Variants in UNC13C observed in about 807,000 individuals in gnomAD.
UNC13C encodes the protein protein unc-13 homolog C.
UNC13C carries 174 observed loss-of-function variants against 245.4 expected under a neutral mutation model. The ratio of observed to expected loss-of-function variants is 0.71; its 90% CI spans 0.63 to 0.80. The LOEUF is 0.80. UNC13C is among the 30% of genes least tolerant of loss of function. The probability of loss-of-function intolerance (pLI) is 0.00; values close to 1 mark genes in which losing one functional copy is unlikely to be tolerated. For synonymous variants in UNC13C, 992 were observed against 895.1 expected, an observed-to-expected ratio of 1.11 and a Z score of -1.93; for missense variants, 2,829 against 2,602.9, an observed-to-expected ratio of 1.09 and a Z score of -1.89.
chr15:54,590,395 A>T (rs1157372176), intron 30 of UNC13C, among the ~76,000 whole-genome samples: 1 of 152,222 alleles, frequency 6.6e-6, no homozygotes, highest in Non-Finnish European at 1.5e-5. Context: ...TCATTTTCAC[A>T]AAATTGATTC....
intron 10 of UNC13C, among the ~76,000 whole-genome samples, chr15:54,275,225 C>T (rs574140087): frequency 1.3e-5 from 2 of 152,090 alleles, no homozygotes; most frequent in Admixed American, 1.3e-4. Flanking sequence ...TTATACTACT[C>T]GTAGGTAGGC....
At chr15:54,402,987 C>G (rs1426366350) in intron 18 of UNC13C, among the ~76,000 whole-genome samples, 1 of 152,170 alleles carries the variant, frequency 6.6e-6, no homozygotes, top group East Asian at 1.9e-4. Flanking sequence ...AGCACCTGGC[C>G]TAATGCCTGC....
chr15:54,084,926 A>G (rs1406284960), intron 2 of UNC13C, among the ~76,000 whole-genome samples: 3 of 152,218 alleles, frequency 2.0e-5, no homozygotes, highest in Admixed American at 6.5e-5. Context: ...GGTGTGTTTC[A>G]ATAATAGTGT....
At chr15:54,115,732 C>T (rs2030194430) in intron 2 of UNC13C, among the ~76,000 whole-genome samples, 1 of 152,050 alleles carries the variant, frequency 6.6e-6, no homozygotes, top group Non-Finnish European at 1.5e-5. Context: ...TCAAAGAATT[C>T]ATTTTCAGAA....
At chr15:53,984,856 G>A (rs1221627899) in intron 1 of UNC13C, among the ~76,000 whole-genome samples, 1 of 152,034 alleles carries the variant, frequency 6.6e-6, no homozygotes, top group South Asian at 2.1e-4. Context: ...GGCAAATTGG[G>A]ATTGTTTTGG....
intron 4 of UNC13C, among the ~76,000 whole-genome samples, chr15:54,160,324 G>A (rs571419192): frequency 3.3e-5 from 5 of 150,726 alleles, no homozygotes; most frequent in African/African-American, 1.2e-4. Flanking sequence ...AAATGACAAA[G>A]AGAGCATAGA....
chr15:53,966,620 C>T, the UNC13C span, among the ~76,000 whole-genome samples: 1 of 151,960 alleles, frequency 6.6e-6, no homozygotes, highest in South Asian at 2.1e-4. Context: ...ATTCTGAAGA[C>T]AGTTTATTTT....
chr15:54,257,094 T>C (rs185001378), intron 8 of UNC13C, among the ~76,000 whole-genome samples: 15 of 152,338 alleles, frequency 9.8e-5, no homozygotes, highest in African/African-American at 3.4e-4. Flanking sequence ...AAAATAGAAA[T>C]AAATCTTGTT....
chr15:54,625,926 T>A (rs771629141), intron 32 of UNC13C, among the ~76,000 whole-genome samples: 1 of 152,154 alleles, frequency 6.6e-6, no homozygotes, highest in East Asian at 1.9e-4. Flanking sequence ...TCTACTCTTA[T>A]CCCCTAGACT....
At chr15:54,514,253 C>A (rs528910038) in intron 24 of UNC13C, among the ~76,000 whole-genome samples, 2 of 152,070 alleles carry the variant, frequency 1.3e-5, no homozygotes, top group Admixed American at 6.6e-5. Flanking sequence ...CAGAATTCAC[C>A]CTTTGATATG....
chr15:53,973,514 C>T (rs1893602941), upstream of UNC13C, among the ~76,000 whole-genome samples: 1 of 151,760 alleles, frequency 6.6e-6, no homozygotes, highest in Non-Finnish European at 1.5e-5. Flanking sequence ...AAACCAGGCA[C>T]CCTGATTTCA....
At chr15:54,249,129 TTCTC>T (rs1239783421) in intron 7 of UNC13C, among the ~76,000 whole-genome samples, 2 of 152,182 alleles carry the variant, frequency 1.3e-5, no homozygotes, top group Non-Finnish European at 2.9e-5. Flanking sequence ...GTGCTGGTCT[TTCTC>T]TCAGGAAGTC....
chr15:53,969,578 C>G, the UNC13C span, among the ~76,000 whole-genome samples: 1 of 150,422 alleles, frequency 6.6e-6, no homozygotes, highest in African/African-American at 2.5e-5. Context: ...CCCAGCTATT[C>G]AGGATGCTGA....
At chr15:54,077,376 C>CCTTTTT (rs1898687646) in intron 2 of UNC13C, among the ~76,000 whole-genome samples, 1 of 62,698 alleles carries the variant, frequency 1.6e-5, no homozygotes, top group Non-Finnish European at 2.8e-5. Context: ...CTTTTCTTTT[C>CCTTTTT]TTTTTTTTTT....
At chr15:54,393,832 A>AT in intron 18 of UNC13C, among the ~76,000 whole-genome samples, 2 of 151,998 alleles carry the variant, frequency 1.3e-5, no homozygotes, top group Middle Eastern at 6.8e-3. Flanking sequence ...TAAAGGTGTT[A>AT]TTATTAGATG....
At chr15:53,908,077 C>G in the UNC13C span, among the ~76,000 whole-genome samples, 1 of 146,736 alleles carries the variant, frequency 6.8e-6, no homozygotes, top group African/African-American at 2.4e-5. Flanking sequence ...GTTGAATATT[C>G]TACCACTTGT....
At chr15:54,158,526 A>G (rs1008274788) in intron 4 of UNC13C, among the ~76,000 whole-genome samples, 11 of 152,160 alleles carry the variant, frequency 7.2e-5, no homozygotes, top group African/African-American at 2.6e-4. Context: ...TCACTATGTT[A>G]GCTAGGATGG....
the UNC13C span, among the ~76,000 whole-genome samples, chr15:53,855,446 C>G: frequency 2.0e-5 from 3 of 152,044 alleles, no homozygotes; most frequent in Non-Finnish European, 4.4e-5. Context: ...ATAAATGGCT[C>G]TCATTATTTT....
At chr15:54,213,440 GTA>G (rs1366314061) in intron 4 of UNC13C, among the ~76,000 whole-genome samples, 141 of 152,052 alleles carry the variant, frequency 9.3e-4, no homozygotes, top group East Asian at 2.1e-3. Context: ...TTTTTAATGT[GTA>G]TTATAAAAGG....
Sources: allele counts gnomAD v4.1 joint callset (sites outside exome capture counted in the v4.1 genomes callset), GRCh38; gene constraint gnomAD v4.1.1; transcripts MANE v1.5; gene names NCBI Gene and HGNC (gene_info 2026-07-23, HGNC 2026-07-21).